Variants in CDH13 observed in about 807,000 individuals in gnomAD.
The protein encoded by CDH13 is cadherin-13.
A neutral mutation model predicts 63.8 loss-of-function variants in CDH13; 24 were observed. The ratio of observed to expected loss-of-function variants is 0.38; its 90% CI spans 0.27 to 0.53. The LOEUF (loss-of-function observed/expected upper bound fraction) is 0.53. Ranked by LOEUF, CDH13 falls within the 20% of genes least tolerant of loss-of-function variation. CDH13 has a pLI of 0.85. For synonymous variants in CDH13, 503 were observed against 355.3 expected (o/e 1.42, Z -4.67); for missense variants, 1,049 against 903.1 (o/e 1.16, Z -2.07).
intron 6 of CDH13, among the ~76,000 whole-genome samples, chr16:83,469,029 C>G (rs959987858): frequency 2.1e-4 from 32 of 152,160 alleles, no homozygotes; most frequent in Non-Finnish European, 4.0e-4. Context: ...TACGGCTTTC[C>G]CTGGTATATC....
At chr16:83,123,583 A>AT (rs954312851) in intron 3 of CDH13, among the ~76,000 whole-genome samples, 3 of 151,042 alleles carry the variant, frequency 2.0e-5, no homozygotes, top group Non-Finnish European at 3.0e-5. Flanking sequence ...CTGGCCCCAC[A>AT]TTTTTTTTTA....
At chr16:82,642,693 A>G (rs1227416734) in intron 1 of CDH13, among the ~76,000 whole-genome samples, 1 of 152,188 alleles carries the variant, frequency 6.6e-6, no homozygotes, top group African/African-American at 2.4e-5. Context: ...GGGTGGGGGA[A>G]TTGAGGAATA....
chr16:83,653,665 A>G (rs765113393), intron 8 of CDH13, among the ~76,000 whole-genome samples: 11 of 152,206 alleles, frequency 7.2e-5, no homozygotes, highest in East Asian at 1.9e-4. Context: ...TGAAGAATCA[A>G]TCTGTTGGGA....
intron 5 of CDH13, among the ~76,000 whole-genome samples, chr16:83,320,289 T>A (rs998376690): frequency 6.6e-6 from 1 of 152,076 alleles, no homozygotes; most frequent in South Asian, 2.1e-4. Context: ...CAAGTGATCC[T>A]TCCAACTCGG....
chr16:83,254,519 T>A (rs953982003), intron 5 of CDH13, among the ~76,000 whole-genome samples: 1 of 152,208 alleles, frequency 6.6e-6, no homozygotes, highest in Non-Finnish European at 1.5e-5. Context: ...TCTACCATAA[T>A]GACTCTATGG....
At chr16:82,794,669 T>TAA (rs1420959976) in intron 1 of CDH13, among the ~76,000 whole-genome samples, 10 of 152,214 alleles carry the variant, frequency 6.6e-5, no homozygotes, top group African/African-American at 2.4e-4. Flanking sequence ...TGAATAGTTA[T>TAA]GTTGCCATGC....
chr16:83,618,669 A>G (rs990563014), intron 8 of CDH13, among the ~76,000 whole-genome samples: 1 of 152,146 alleles, frequency 6.6e-6, no homozygotes, highest in African/African-American at 2.4e-5. Flanking sequence ...GTTAAATTCC[A>G]TCTCAGAAGT....
chr16:83,316,246 C>T (rs1405120757), intron 5 of CDH13, among the ~76,000 whole-genome samples: 2 of 152,166 alleles, frequency 1.3e-5, no homozygotes, highest in African/African-American at 4.8e-5. Context: ...GATTACAATT[C>T]GGATTTCAAT....
chr16:82,953,122 G>A (rs1172432658), intron 2 of CDH13: 6 of 152,100 alleles, frequency 3.9e-5, no homozygotes, highest in East Asian at 1.9e-4. Flanking sequence ...ATGATCTTTT[G>A]ATATTATAGC....
chr16:83,039,401 G>C (rs1008574790), intron 3 of CDH13, among the ~76,000 whole-genome samples: 1 of 152,138 alleles, frequency 6.6e-6, no homozygotes, highest in Non-Finnish European at 1.5e-5. Context: ...CCTTCTCCAA[G>C]AGCCTTCCCT....
intron 1 of CDH13, among the ~76,000 whole-genome samples, chr16:82,698,074 G>C (rs1238941854): frequency 6.6e-6 from 1 of 152,170 alleles, no homozygotes; most frequent in Non-Finnish European, 1.5e-5. Context: ...ATGAATGAAT[G>C]AGTGGAGACT....
At chr16:83,776,516 T>G (rs1335292203) in intron 11 of CDH13, among the ~76,000 whole-genome samples, 1 of 152,230 alleles carries the variant, frequency 6.6e-6, no homozygotes, top group Non-Finnish European at 1.5e-5. Context: ...AGCAGACATT[T>G]ATTTGAATGT....
intron 1 of CDH13, among the ~76,000 whole-genome samples, chr16:82,751,316 T>C (rs1364992486): frequency 6.6e-6 from 1 of 152,192 alleles, no homozygotes; most frequent in Non-Finnish European, 1.5e-5. Context: ...AATAGATTTT[T>C]TTTTGTGTTT....
At chr16:83,084,318 G>A (rs1230902834) in intron 3 of CDH13, among the ~76,000 whole-genome samples, 2 of 152,148 alleles carry the variant, frequency 1.3e-5, no homozygotes, top group African/African-American at 4.8e-5. Flanking sequence ...AAGGTCAGGA[G>A]TTTTTGTTTG....
chr16:83,343,256 T>C (rs2090766631), intron 5 of CDH13, among the ~76,000 whole-genome samples: 1 of 152,214 alleles, frequency 6.6e-6, no homozygotes, highest in Non-Finnish European at 1.5e-5. Flanking sequence ...TATTTGTAGG[T>C]CATGTATGAT....
intron 4 of CDH13, among the ~76,000 whole-genome samples, chr16:83,159,785 T>C (rs887145959): frequency 1.3e-5 from 2 of 152,122 alleles, no homozygotes; most frequent in African/African-American, 4.8e-5. Context: ...TAAATTCTAA[T>C]ATAATGCACC....
intron 1 of CDH13, among the ~76,000 whole-genome samples, chr16:82,757,656 T>G (rs1007948271): frequency 1.9e-5 from 2 of 102,956 alleles, no homozygotes; most frequent in Admixed American, 1.3e-4. Context: ...TGTTTTTTTT[T>G]TTTTTGGGGA....
chr16:82,889,124 A>C (rs937454572), intron 2 of CDH13, among the ~76,000 whole-genome samples: 2 of 152,172 alleles, frequency 1.3e-5, no homozygotes, highest in African/African-American at 4.8e-5. Flanking sequence ...CCTTATTTTC[A>C]ATCACAGAAA....
intron 4 of CDH13, among the ~76,000 whole-genome samples, chr16:83,169,627 T>G (rs2151726436): frequency 6.6e-6 from 1 of 152,172 alleles, no homozygotes; most frequent in African/African-American, 2.4e-5. Flanking sequence ...CTTTTCCTAT[T>G]TGGGTGTTAA....
Sources: gnomAD v4.1 joint callset for allele counts (sites outside exome capture counted in the v4.1 genomes callset) on GRCh38, gnomAD v4.1.1 for gene constraint, MANE v1.5 for transcripts, NCBI Gene and HGNC (gene_info 2026-07-23, HGNC 2026-07-21) for gene names.